Variants in USP24 observed in about 807,000 individuals in gnomAD.
The protein encoded by USP24 is ubiquitin carboxyl-terminal hydrolase 24.
USP24 carries 97 observed loss-of-function variants against 361.6 expected under a neutral mutation model. The ratio of observed to expected loss-of-function variants is 0.27; its 90% CI spans 0.23 to 0.32. The LOEUF (loss-of-function observed/expected upper bound fraction) is 0.32. USP24 is among the 10% of genes least tolerant of loss of function. The pLI is 1.00. For missense variants in USP24, 2,353 were observed against 3,165.6 expected, an observed-to-expected ratio of 0.74 and a Z score of 6.16; for synonymous variants, 1,098 against 1,124.6, an observed-to-expected ratio of 0.98 and a Z score of 0.47.
intron 20 of USP24, among the ~76,000 whole-genome samples, chr1:55,145,524 T>C (rs987205021): frequency 1.1e-4 from 16 of 152,176 alleles, no homozygotes; most frequent in African/African-American, 3.9e-4. Flanking sequence ...TGACTGTTAA[T>C]GGGTATAGGT....
intron 1 of USP24, among the ~76,000 whole-genome samples, chr1:55,191,470 CTTA>C (rs1644284845): frequency 6.7e-6 from 1 of 148,852 alleles, no homozygotes; most frequent in Non-Finnish European, 1.5e-5. Flanking sequence ...TATTTACTTA[CTTA>C]TAAGATCAAT....
At chr1:55,156,225 CATATTTAG>C (rs1647643741) in intron 12 of USP24, among the ~76,000 whole-genome samples, 1 of 151,978 alleles carries the variant, frequency 6.6e-6, no homozygotes, top group South Asian at 2.1e-4. Context: ...ATGTGTGTTA[CATATTTAG>C]ATATACTGCA....
chr1:55,173,750 C>T (rs1447253820), intron 3 of USP24, among the ~76,000 whole-genome samples: 1 of 152,146 alleles, frequency 6.6e-6, no homozygotes, highest in African/African-American at 2.4e-5. Flanking sequence ...AGTCATAAGA[C>T]TGATTTTATG....
chr1:55,212,587 T>C (rs1053547409), intron 1 of USP24, among the ~76,000 whole-genome samples: 1 of 152,200 alleles, frequency 6.6e-6, no homozygotes, highest in Non-Finnish European at 1.5e-5. Context: ...AGTTTCCCAC[T>C]GTGTACACCA....
chr1:55,177,052 T>C (rs1327158708), intron 2 of USP24, among the ~76,000 whole-genome samples: 1 of 151,428 alleles, frequency 6.6e-6, no homozygotes, highest in Non-Finnish European at 1.5e-5. Flanking sequence ...GACTACGCCA[T>C]TGCACTGCAG....
intron 1 of USP24, among the ~76,000 whole-genome samples, chr1:55,179,026 C>T (rs570791740): frequency 6.6e-6 from 1 of 152,306 alleles, no homozygotes; most frequent in South Asian, 2.1e-4. Context: ...CCATCTTCAT[C>T]TCCACACCAC....
chr1:55,078,567 A>G lies in USP24; in HGVS notation c.7285T>C (p.Phe2429Leu), dbSNP rs368809075. The G allele has an allele frequency of 5.6e-6, 9 of 1,611,998 alleles. No homozygotes were observed. Among genetic ancestry groups the G allele is most frequent in the Non-Finnish European group, 7.6e-6 (9 of 1,179,244 alleles). ...ATGAAATGCAGCATTGTGAAGGAAA[A>G]ATGCTCATTACAGAAACAGCAGTAC... The part of the protein sequence containing the change: ...VVYCCFCNEH[F>L]SFTMLHFIKN... Residue 2429 changes from phenylalanine (F) to leucine (L), a missense_variant, in exon 61 of 68, where the codon TTT (phenylalanine) becomes CTT (leucine). Physicochemically the swap from Phe to Leu is conservative, Grantham distance 22 (BLOSUM62 0). This residue lies in a region of USP24 where 598 missense variants were observed against 761.9 expected (regional missense o/e 0.78). Coordinates refer to ENST00000294383, the MANE Select transcript of USP24 (RefSeq NM_015306.3).
chr1:55,184,711 G>T lies in USP24; in HGVS notation c.325-6579C>A, dbSNP rs531774848. ...TAAAACAGGCCTCAACAATTTAAAA[G>T]AAGTGAAATCATACCAAATATGTTG... On this transcript the variant is annotated intron_variant, in intron 1 of 67. Transcript: ENST00000294383. Among the ~76,000 whole-genome samples, 5 of 152,158 alleles carry T rather than the reference G, an allele frequency of 3.3e-5. No homozygotes were observed. The South Asian group carries it at 1.0e-3, about 32-fold the overall frequency.
Position 55,098,488 on chromosome 1 carries a change from T to C in USP24, c.5441A>G (p.Asp1814Gly). Residue 1814 changes from aspartate (D) to glycine (G), a missense_variant, in exon 46 of 68, where the codon GAC (aspartate) becomes GGC (glycine). Transcript: ENST00000294383. Reference sequence around the variant, plus strand: ...TATCTTCACTCACCTGTGAGGACAGTCTTTACAGATCTTCTGATCAGAGTA... The same window carrying C: ...TATCTTCACTCACCTGTGAGGACAGCCTTTACAGATCTTCTGATCAGAGTA... ...GIYSDQKICK[D>G]CPHRYEREEA... is the part of the protein sequence containing the mutation. 6.2e-7 allele frequency: 1 copy of C among 1,612,410 alleles called. No homozygotes were observed. Among genetic ancestry groups the C allele is most frequent in the East Asian group, 2.2e-5 (1 of 44,846 alleles).
rs1422286207 is a variant in USP24, at chr1:55,067,141, G to C, written c.*1904C>G. ...TCCATAGGAAATAAGGGGACTAGAA[G>C]TGGCAATTTCACTCCTGATTTTGGG... On this transcript the variant is annotated 3_prime_UTR_variant, in exon 68 of 68. Transcript: ENST00000294383. The C allele has an allele frequency of 6.6e-6, 1 of 152,180 alleles. No individual in the cohort carries two copies. Among genetic ancestry groups the C allele is most frequent in the Non-Finnish European group, 1.5e-5 (1 of 68,046 alleles). 9.4% of individuals were successfully genotyped at this position (152,180 alleles called of 1,614,324 possible).
intron 1 of USP24, among the ~76,000 whole-genome samples, chr1:55,183,373 C>G (rs1395457602): frequency 6.6e-6 from 1 of 151,886 alleles, no homozygotes; most frequent in Non-Finnish European, 1.5e-5. Flanking sequence ...GTCTGTATAT[C>G]TAAATACATA....
intron 11 of USP24, 84 bp downstream of exon 11, chr1:55,157,172 G>GC: frequency 7.4e-7 from 1 of 1,358,002 alleles, no homozygotes; most frequent in Non-Finnish European, 1.0e-6. Context: ...TACAGTCAAA[G>GC]CAACAATTTT....
At chr1:55,191,151 T>A (rs1644274716) in intron 1 of USP24, among the ~76,000 whole-genome samples, 1 of 152,174 alleles carries the variant, frequency 6.6e-6, no homozygotes, top group Admixed American at 6.5e-5. Flanking sequence ...TTTAATAACA[T>A]TAAATCTTGT....
intron 39 of USP24, among the ~76,000 whole-genome samples, chr1:55,108,713 C>T (rs920826604): frequency 1.3e-5 from 2 of 152,184 alleles, no homozygotes; most frequent in Non-Finnish European, 2.9e-5. Context: ...ATTAATAACT[C>T]GTTCACTCAT....
chr1:55,099,893 T>G (rs1185969509), intron 44 of USP24, 24 bp from the exon 45 acceptor site: 1 of 1,518,892 alleles, frequency 6.6e-7, no homozygotes, highest in Non-Finnish European at 8.9e-7. Context: ...ATTAAATGTT[T>G]TTAAAGGAAA....
Position 55,110,171 on chromosome 1 carries a change from A to G in USP24, c.4570+14T>C, listed in dbSNP as rs530139771. The stretch of plus-strand genomic sequence containing the variant: ...CCCCAGCCCCTCTCCCCTACATATT[A>G]GTCATTTACTTACTTGTCAGATCAT... On this transcript the variant is annotated intron_variant, in intron 39 of 67. Transcript: ENST00000294383. The G allele has an allele frequency of 7.1e-6, 11 of 1,543,956 alleles. No homozygotes were observed. In the South Asian group the frequency reaches 1.3e-4, roughly 19 times the overall value.
intron 3 of USP24, among the ~76,000 whole-genome samples, chr1:55,174,631 GCT>G (rs1557669753): frequency 2.0e-5 from 3 of 152,214 alleles, no homozygotes; most frequent in African/African-American, 7.2e-5. Context: ...TATGCAACTT[GCT>G]GGTGAATGGA....
chr1:55,146,973 C>T lies in USP24; in HGVS notation c.2206G>A (p.Glu736Lys). The T allele has an allele frequency of 6.2e-7, 1 of 1,611,448 alleles. No individual in the cohort carries two copies. Among genetic ancestry groups the T allele is most frequent in the Non-Finnish European group, 8.5e-7 (1 of 1,178,740 alleles). The change falls in exon 19 of 68, where the codon GAG (glutamate) becomes AAG (lysine). Residue 736 changes from glutamate to lysine, a missense_variant. Glu to Lys is a moderately conservative substitution (Grantham distance 56, BLOSUM62 1). Coordinates refer to ENST00000294383, the MANE Select transcript of USP24 (RefSeq NM_015306.3). ...LGWNRAKEIW[E>K]CLVTGQDVCE... Reference sequence around the variant, plus strand: ...ACATCCTGGCCAGTTACAAGACACTCCCAGATCTCCTTGGCACGATTCCAG... The same window carrying T: ...ACATCCTGGCCAGTTACAAGACACTTCCAGATCTCCTTGGCACGATTCCAG...
At chr1:55,069,911 G>C (rs1287827759) in intron 67 of USP24, among the ~76,000 whole-genome samples, 1 of 151,338 alleles carries the variant, frequency 6.6e-6, no homozygotes, top group Non-Finnish European at 1.5e-5. Flanking sequence ...TCAGAAAATG[G>C]GGGTGGGGAG....
Sources: allele counts gnomAD v4.1 joint callset (sites outside exome capture counted in the v4.1 genomes callset), GRCh38; gene constraint gnomAD v4.1.1; regional missense constraint gnomAD v4.1.1; transcripts MANE v1.5; gene names NCBI Gene and HGNC (gene_info 2026-07-23, HGNC 2026-07-21).